FUT9: variants seen among roughly 807,000 people sequenced by gnomAD.
The protein encoded by FUT9 is fucosyltransferase 9.
Under a neutral mutation model 29.7 loss-of-function variants are expected in FUT9, and 15 were observed. The ratio of observed to expected loss-of-function variants is 0.51; its 90% CI spans 0.34 to 0.78. FUT9 has a LOEUF of 0.78. Ranked by LOEUF, FUT9 falls within the 30% of genes least tolerant of loss-of-function variation. FUT9 has a pLI of 0.01. For synonymous variants in FUT9, 169 were observed against 153.7 expected (o/e 1.10, Z -0.74); for missense variants, 319 against 425.4 (o/e 0.75, Z 2.20).
At chr6:96,021,794 T>C (rs533315532) in intron 1 of FUT9, among the ~76,000 whole-genome samples, 1 of 152,066 alleles carries the variant, frequency 6.6e-6, no homozygotes, top group Non-Finnish European at 1.5e-5. Flanking sequence ...GGACAATTAC[T>C]TTTATAGCCA....
intron 1 of FUT9, among the ~76,000 whole-genome samples, chr6:96,023,922 C>T (rs139088526): frequency 0.019 from 2,939 of 151,926 alleles, 41 homozygotes; most frequent in South Asian, 0.056. Flanking sequence ...ATTTATGTGT[C>T]CCTTTAGCAC....
chr6:96,094,688 C>CT (rs199939242), intron 1 of FUT9, among the ~76,000 whole-genome samples: 3 of 152,136 alleles, frequency 2.0e-5, no homozygotes, highest in Admixed American at 6.6e-5. Context: ...AAAGAAATAG[C>CT]TTTTTTATTG....
At chr6:96,198,092 A>G (rs565621465) in intron 2 of FUT9, among the ~76,000 whole-genome samples, 69 of 151,724 alleles carry the variant, frequency 4.5e-4, no homozygotes, top group African/African-American at 1.6e-3. Context: ...TTTAACATTC[A>G]GTAGAGTGTT....
chr6:96,083,582 G>A (rs1285294402), intron 1 of FUT9, among the ~76,000 whole-genome samples: 2 of 151,884 alleles, frequency 1.3e-5, no homozygotes, highest in Admixed American at 6.6e-5. Context: ...AGTGTTAAGA[G>A]TTCCACTTAA....
In FUT9 at chr6:96,176,642, T is replaced by C. The variant is rs921447668; in HGVS notation, c.-8-26506T>C. The stretch of plus-strand genomic sequence containing the variant: ...CCCAGATATTCTCTCCTTTCACCTA[T>C]TTTTCTTGCCCAGTTGAAATTCAAG... On this transcript the variant is annotated intron_variant, in intron 2 of 2. Coordinates refer to ENST00000302103, the MANE Select transcript of FUT9 (RefSeq NM_006581.4). 2.6e-5 allele frequency among the ~76,000 whole-genome samples: 4 copies of C among 152,304 alleles called. No individual in the cohort carries two copies. The East Asian group carries it at 5.8e-4, about 22-fold the overall frequency.
chr6:96,100,383 T>G (rs534270482), intron 1 of FUT9, among the ~76,000 whole-genome samples: 1 of 152,208 alleles, frequency 6.6e-6, no homozygotes, highest in Admixed American at 6.5e-5. Context: ...AATTTGAGAA[T>G]TCATTCATTA....
In FUT9 at chr6:96,208,117, G is replaced by A. The variant is rs1293466859; in HGVS notation, c.*3882G>A. 6.0e-6 allele frequency: 1 copy of A among 166,900 alleles called. No homozygotes were observed. Among genetic ancestry groups the A allele is most frequent in the Admixed American group, 6.6e-5 (1 of 15,256 alleles). The allele number at this position is 166,900 out of a possible 1,614,324, so 10.3% of individuals were successfully genotyped here. On this transcript the variant is annotated 3_prime_UTR_variant, in exon 3 of 3. Coordinates refer to ENST00000302103, the MANE Select transcript of FUT9 (RefSeq NM_006581.4). ...AAGCTCAGCGCATTTGATGTATAAAGCAACAGAATATTTAGGAATTATTTG... is the reference window on the plus strand; with the variant it reads ...AAGCTCAGCGCATTTGATGTATAAAACAACAGAATATTTAGGAATTATTTG...
chr6:96,111,922 C>CT (rs1391446820), intron 1 of FUT9, among the ~76,000 whole-genome samples: 1 of 152,142 alleles, frequency 6.6e-6, no homozygotes, highest in African/African-American at 2.4e-5. Flanking sequence ...ACACTGCATA[C>CT]TTTATATGCA....
At chr6:96,138,971 CA>C (rs925716989) in intron 2 of FUT9, among the ~76,000 whole-genome samples, 11 of 152,138 alleles carry the variant, frequency 7.2e-5, no homozygotes, top group African/African-American at 2.6e-4. Context: ...GCCTTAAATA[CA>C]GATAATGCAA....
intron 2 of FUT9, among the ~76,000 whole-genome samples, chr6:96,186,262 A>G (rs1371894757): frequency 2.0e-5 from 3 of 151,992 alleles, no homozygotes; most frequent in Non-Finnish European, 2.9e-5. Flanking sequence ...ATTGAACTTG[A>G]AGTTTCAGAG....
chr6:96,078,068 C>G (rs1771169199), intron 1 of FUT9, among the ~76,000 whole-genome samples: 1 of 152,066 alleles, frequency 6.6e-6, no homozygotes, highest in African/African-American at 2.4e-5. Flanking sequence ...TAACTTGTTT[C>G]CTCTGTGTTC....
chr6:96,166,382 A>G (rs1582279717), intron 2 of FUT9, among the ~76,000 whole-genome samples: 1 of 152,038 alleles, frequency 6.6e-6, no homozygotes, highest in South Asian at 2.1e-4. Flanking sequence ...ATATCTTTTT[A>G]TTTTTTTCTT....
intron 1 of FUT9, among the ~76,000 whole-genome samples, chr6:96,077,425 A>G (rs1771157483): frequency 6.6e-6 from 1 of 152,126 alleles, no homozygotes. Flanking sequence ...ATGGTTTTCT[A>G]CGTAACTGTT....
intron 1 of FUT9, among the ~76,000 whole-genome samples, chr6:96,028,250 G>A (rs188297432): frequency 5.9e-4 from 90 of 151,408 alleles, no homozygotes; most frequent in African/African-American, 2.0e-3. Context: ...GAAACACTGC[G>A]TTACATGGAA....
intron 1 of FUT9, among the ~76,000 whole-genome samples, chr6:96,020,560 T>G (rs750836907): frequency 6.6e-6 from 1 of 152,034 alleles, no homozygotes; most frequent in Non-Finnish European, 1.5e-5. Context: ...TCAATGGAAG[T>G]GAATGACTAA....
At position 96,206,134 on chromosome 6, in the gene FUT9, C is replaced by T. The variant is rs1356684842; in HGVS notation, c.*1899C>T. The T allele has an allele frequency of 6.0e-6, 1 of 166,982 alleles. No individual in the cohort carries two copies. Among genetic ancestry groups the T allele is most frequent in the Non-Finnish European group, 1.5e-5 (1 of 68,088 alleles). The allele number at this position is 166,982 out of a possible 1,614,324, so 10.3% of individuals were successfully genotyped here. A position where few individuals can be genotyped will look rare whatever the true frequency, so the allele number is the denominator to read the frequency against. ...TACTCCGAATGACGTTTGTATGGGTCAATGCTGATTTAATGGGGAAAAAAA... is the reference window on the plus strand; with the variant it reads ...TACTCCGAATGACGTTTGTATGGGTTAATGCTGATTTAATGGGGAAAAAAA... On this transcript the variant is annotated 3_prime_UTR_variant, in exon 3 of 3. Transcript: ENST00000302103.
intron 2 of FUT9, among the ~76,000 whole-genome samples, chr6:96,135,857 G>A (rs1772338908): frequency 6.6e-6 from 1 of 151,534 alleles, no homozygotes; most frequent in Non-Finnish European, 1.5e-5. Flanking sequence ...TGGTGCTTTT[G>A]AAATAAGAAA....
At chr6:96,028,132 A>G (rs1770198924) in intron 1 of FUT9, among the ~76,000 whole-genome samples, 1 of 151,666 alleles carries the variant, frequency 6.6e-6, no homozygotes, top group South Asian at 2.1e-4. Context: ...AGAGGAAGAT[A>G]TCAAACAACA....
intron 2 of FUT9, among the ~76,000 whole-genome samples, chr6:96,137,566 T>C (rs914909098): frequency 2.0e-5 from 3 of 152,010 alleles, no homozygotes; most frequent in Non-Finnish European, 4.4e-5. Flanking sequence ...AAACATTGCC[T>C]CAGCAAGGTG....
Sources: gnomAD v4.1 joint callset for allele counts (sites outside exome capture counted in the v4.1 genomes callset) on GRCh38, gnomAD v4.1.1 for gene constraint, MANE v1.5 for transcripts, NCBI Gene and HGNC (gene_info 2026-07-23, HGNC 2026-07-21) for gene names.